SASH1: variants seen among roughly 807,000 people sequenced by gnomAD.
SASH1 encodes SAM and SH3 domain-containing protein 1.
SASH1 carries 44 observed loss-of-function variants against 125.2 expected under a neutral mutation model. The ratio of observed to expected loss-of-function variants is 0.35; its 90% CI spans 0.28 to 0.45. SASH1 has a LOEUF of 0.45. Ranked by LOEUF, SASH1 falls within the 20% of genes least tolerant of loss-of-function variation. The pLI is 1.00. For synonymous variants in SASH1, 639 were observed against 649.1 expected (o/e 0.98, Z 0.24); for missense variants, 1,426 against 1,614.5 (o/e 0.88, Z 2.00).
At chr6:148,387,576 CTTTCTTTCTTTCTTTCT>C (rs1783449984) in intron 1 of SASH1, among the ~76,000 whole-genome samples, 5 of 5,408 alleles carry the variant, frequency 9.2e-4, no homozygotes. Flanking sequence ...CTCTTTCTTT[CTTTCTTTCTTTCTTTCT>C]TTCTTTCTTT....
At chr6:148,223,944 T>C in the SASH1 span, among the ~76,000 whole-genome samples, 1 of 152,212 alleles carries the variant, frequency 6.6e-6, no homozygotes, top group Non-Finnish European at 1.5e-5. Context: ...ATCTAAAATA[T>C]CACTTTACCA....
chr6:148,282,290 CT>C (rs1315915747), intron 1 of SASH1, among the ~76,000 whole-genome samples: 1 of 152,186 alleles, frequency 6.6e-6, no homozygotes, highest in Non-Finnish European at 1.5e-5. Context: ...ATTCTCAGGA[CT>C]ACACTGAAGT....
intron 4 of SASH1, among the ~76,000 whole-genome samples, chr6:148,443,820 T>G (rs1007062833): frequency 3.3e-5 from 5 of 152,222 alleles, no homozygotes; most frequent in African/African-American, 1.2e-4. Flanking sequence ...TATTTGAAGA[T>G]GCAAATAGAC....
chr6:148,386,602 A>C (rs1466958292), intron 1 of SASH1, among the ~76,000 whole-genome samples: 2 of 152,168 alleles, frequency 1.3e-5, no homozygotes, highest in East Asian at 3.9e-4. Context: ...TGGACTTTCT[A>C]TTTGGTCAAA....
At chr6:148,375,031 C>T (rs1207773639) in intron 1 of SASH1, among the ~76,000 whole-genome samples, 1 of 150,222 alleles carries the variant, frequency 6.7e-6, no homozygotes, top group Non-Finnish European at 1.5e-5. Flanking sequence ...CTCACTCTGT[C>T]TCAGGCTGGA....
chr6:148,315,400 G>C (rs1582954561), intron 1 of SASH1, among the ~76,000 whole-genome samples: 1 of 152,148 alleles, frequency 6.6e-6, no homozygotes, highest in Non-Finnish European at 1.5e-5. Context: ...GTGAACCTTA[G>C]AGAGTAACTT....
Position 148,519,887 on chromosome 6 carries a change from C to T in SASH1, c.1203C>T (p.Ser401=), listed in dbSNP as rs182403406. 13 of 1,562,848 alleles carry T rather than the reference C, an allele frequency of 8.3e-6. No individual in the cohort carries two copies. The African/African-American group carries it at 1.1e-4, about 13-fold the overall frequency. Residue 401 remains serine, a synonymous_variant, in exon 10 of 20, where the codon AGC becomes AGT. Transcript: ENST00000367467. The surrounding 1 kb of genome is among the most constrained non-coding windows in gnomAD (Gnocchi z 4.8). ...TGAAGAAGGGTCTCGGGTCCCTAAGCCACGGGGTAAGTACGGATGGTGTTT... is the reference window on the plus strand; with the variant it reads ...TGAAGAAGGGTCTCGGGTCCCTAAGTCACGGGGTAAGTACGGATGGTGTTT... The part of the protein sequence containing the change: ...GEMKKGLGSL[S]HGRTCSFGGF...
At position 148,359,325 on chromosome 6, in the gene SASH1, G is replaced by GT. The variant is rs374218290; in HGVS notation, c.156+16118dup. ...AGGCATGAGCCATTGTGCTTGGCCG[G>GT]TTTTTTTTTTTTTTTTAACAAATTG... On this transcript the variant is annotated intron_variant, in intron 1 of 19. Transcript: ENST00000367467. Among the ~76,000 whole-genome samples, 774 of 138,508 alleles carry GT rather than the reference G, an allele frequency of 5.6e-3. 7 individuals are homozygous for GT. Among genetic ancestry groups the GT allele is most frequent in the Middle Eastern group, 0.011 (3 of 266 alleles). The allele number at this position is 138,508 out of a possible 152,430, so 90.9% of individuals were successfully genotyped here. A position where few individuals can be genotyped will look rare whatever the true frequency, so the allele number is the denominator to read the frequency against.
chr6:148,253,408 C>T, the SASH1 span, among the ~76,000 whole-genome samples: 2 of 152,048 alleles, frequency 1.3e-5, no homozygotes, highest in African/African-American at 4.8e-5. Flanking sequence ...TATACAAAAA[C>T]TTAACTCAAA....
chr6:148,373,217 G>A (rs908108280), intron 1 of SASH1, among the ~76,000 whole-genome samples: 8 of 152,126 alleles, frequency 5.3e-5, no homozygotes, highest in Non-Finnish European at 1.0e-4. Context: ...ATATAAGGCA[G>A]AGGCAATGTG....
chr6:148,501,665 A>G (rs1025865669), intron 8 of SASH1, among the ~76,000 whole-genome samples: 3 of 152,190 alleles, frequency 2.0e-5, no homozygotes, highest in Admixed American at 6.5e-5. Context: ...ACAAAGCCCC[A>G]GGCAGAAATG....
intron 1 of SASH1, among the ~76,000 whole-genome samples, chr6:148,318,349 A>C (rs1247344796): frequency 6.6e-6 from 1 of 152,194 alleles, no homozygotes; most frequent in Admixed American, 6.5e-5. Flanking sequence ...CTTATCATTA[A>C]ACAGCATAGT....
chr6:148,527,421 A>G (rs764057258), intron 11 of SASH1, 32 bp from the exon 12 acceptor site: 1 of 1,539,264 alleles, frequency 6.5e-7, no homozygotes, highest in Non-Finnish European at 8.7e-7. Context: ...ATTTTCTGCG[A>G]CCAACAATAC....
intron 1 of SASH1, among the ~76,000 whole-genome samples, chr6:148,315,607 A>T (rs536996665): frequency 6.6e-6 from 1 of 152,330 alleles, no homozygotes; most frequent in East Asian, 1.9e-4. Flanking sequence ...TTACCCTGTC[A>T]AAATCTCAAA....
chr6:148,245,647 A>G, the SASH1 span, among the ~76,000 whole-genome samples: 1 of 152,064 alleles, frequency 6.6e-6, no homozygotes, highest in African/African-American at 2.4e-5. Context: ...GTGTTTTGGT[A>G]CGGTTTGGTT....
chr6:148,430,965 C>A (rs936319520), intron 2 of SASH1, among the ~76,000 whole-genome samples: 3 of 152,174 alleles, frequency 2.0e-5, no homozygotes, highest in Admixed American at 6.5e-5. Context: ...ATTGGAAAAA[C>A]CAAACCAAAC....
intron 4 of SASH1, among the ~76,000 whole-genome samples, chr6:148,449,078 C>CATTTCTTTTTCTTTTTTTTTTTCTTTTT (rs763181287): frequency 1.1e-5 from 1 of 88,736 alleles, no homozygotes; most frequent in African/African-American, 4.3e-5. Context: ...CATTTCATTT[C>CATTTCTTTTTCTTTTTTTTTTTCTTTTT]TTTTTTTTTT....
At position 148,360,644 on chromosome 6, in the gene SASH1, G is replaced by A. The variant is rs113372014; in HGVS notation, c.156+17421G>A. ...GATTACAGGCGTGAGCCACCCCCCC[G>A]CCAGGCTTTAAAGCCTTTTTAACAA... On this transcript the variant is annotated intron_variant, in intron 1 of 19. Coordinates refer to ENST00000367467, the MANE Select transcript of SASH1 (RefSeq NM_015278.5). Among the ~76,000 whole-genome samples, 408 of 105,234 alleles carry A rather than the reference G, an allele frequency of 3.9e-3. 16 individuals carry two copies. The highest frequency in any genetic ancestry group is 3.4e-3 in the Non-Finnish European group (168 of 50,008). 69.0% of individuals were successfully genotyped at this position (105,234 alleles called of 152,430 possible).
rs150499282 is a variant in SASH1 at position 148,510,818 on chromosome 6, G to A, written c.730-3506G>A. The stretch of plus-strand genomic sequence containing the variant: ...TCAAGACCAGCCTGGCCAACATGGC[G>A]AAATGCCATCTCTACAAAAATACAA... On this transcript the variant is annotated intron_variant, in intron 8 of 19. Transcript: ENST00000367467. 4.8e-3 allele frequency among the ~76,000 whole-genome samples: 727 copies of A among 151,894 alleles called. 3 individuals carry two copies. Among genetic ancestry groups the A allele is most frequent in the South Asian group, 0.013 (64 of 4,812 alleles).
Sources: gnomAD v4.1 joint callset for allele counts (sites outside exome capture counted in the v4.1 genomes callset) on GRCh38, gnomAD v4.1.1 for gene constraint, Gnocchi (gnomAD v3.1) non-coding constraint, MANE v1.5 for transcripts, NCBI Gene and HGNC (gene_info 2026-07-23, HGNC 2026-07-21) for gene names.